The following DIAPH2 variants were observed in gnomAD, a reference collection of about 807,000 sequenced individuals.
DIAPH2 encodes the protein diaphanous related formin 2, also known as protein diaphanous homolog 2.
In DIAPH2, 35 loss-of-function variants were observed where a neutral mutation model predicts 92.7. The ratio of observed to expected loss-of-function variants is 0.38; its 90% CI spans 0.29 to 0.50. The LOEUF (loss-of-function observed/expected upper bound fraction) is 0.50. DIAPH2 is among the 20% of genes least tolerant of loss of function. The pLI, the probability that DIAPH2 is intolerant of heterozygous loss-of-function variation, is 0.94. For synonymous variants in DIAPH2, 301 were observed against 280.4 expected, an observed-to-expected ratio of 1.07 and a Z score of -0.73; for missense variants, 701 against 819.5, an observed-to-expected ratio of 0.86 and a Z score of 1.77.
intron 26 of DIAPH2, among the ~76,000 whole-genome samples, chrX:97,511,538 A>G (rs1483868312): frequency 9.1e-6 from 1 of 109,410 alleles, no homozygotes; most frequent in African/African-American, 3.3e-5. Flanking sequence ...AGAACTTCCA[A>G]GACTATGTTG....
chrX:96,736,342 A>G (rs1344078721), intron 2 of DIAPH2, among the ~76,000 whole-genome samples: 1 of 111,265 alleles, frequency 9.0e-6, no homozygotes, highest in Non-Finnish European at 1.9e-5. Flanking sequence ...CCTATTTACA[A>G]ATAATTTAAA....
At chrX:97,398,793 G>C (rs972035974) in intron 25 of DIAPH2, among the ~76,000 whole-genome samples, 1 of 103,208 alleles carries the variant, frequency 9.7e-6, no homozygotes, top group Non-Finnish European at 2.0e-5. Flanking sequence ...CCAGGCTGGA[G>C]TGCAATGGTG....
intron 24 of DIAPH2, among the ~76,000 whole-genome samples, chrX:97,372,973 G>T (rs1402467822): frequency 9.3e-6 from 1 of 107,861 alleles, no homozygotes; most frequent in Admixed American, 9.9e-5. Flanking sequence ...GCGAAACTCC[G>T]TCTCAAAAAA....
chrX:97,137,004 T>G (rs2067174779), intron 21 of DIAPH2, among the ~76,000 whole-genome samples: 1 of 108,582 alleles, frequency 9.2e-6, no homozygotes, highest in African/African-American at 3.4e-5. Context: ...AAAAGTACCA[T>G]GCATCATTTA....
At chrX:96,986,445 C>A (rs186934078) in intron 17 of DIAPH2, among the ~76,000 whole-genome samples, 13 of 111,503 alleles carry the variant, frequency 1.2e-4, no homozygotes, top group Admixed American at 6.7e-4. Flanking sequence ...TTTAGCCTGA[C>A]CACTGCCATT....
chrX:96,839,584 T>A lies in DIAPH2; in HGVS notation c.448-41995T>A, dbSNP rs186326869. ...AAAACAATTAAATCCCTGAAACAAT[T>A]AAATACCTAATTTTTGTTAAATTAT... On this transcript the variant is annotated intron_variant, in intron 4 of 26. Coordinates refer to ENST00000324765, the MANE Select transcript of DIAPH2 (RefSeq NM_006729.5). Among the ~76,000 whole-genome samples, 176 of 111,950 alleles carry A rather than the reference T, an allele frequency of 1.6e-3. 2 individuals carry two copies. The highest frequency in any genetic ancestry group is 0.012 in the East Asian group (42 of 3,591).
chrX:97,176,545 T>G (rs1410711995), intron 22 of DIAPH2, among the ~76,000 whole-genome samples: 2 of 108,027 alleles, frequency 1.9e-5, no homozygotes, highest in Non-Finnish European at 3.8e-5. Flanking sequence ...TTTTGTTTTT[T>G]GAGACGGAGT....
At chrX:97,061,631 A>G (rs376795520) in intron 17 of DIAPH2, among the ~76,000 whole-genome samples, 235 of 107,329 alleles carry the variant, frequency 2.2e-3, no homozygotes, top group African/African-American at 7.6e-3. Context: ...ACATGGTGAA[A>G]CCCCATCTCT....
At chrX:96,712,553 T>C (rs2063925075) in intron 1 of DIAPH2, among the ~76,000 whole-genome samples, 1 of 111,193 alleles carries the variant, frequency 9.0e-6, no homozygotes, top group African/African-American at 3.3e-5. Context: ...GCTTATAATG[T>C]TATGTATTAC....
At chrX:97,373,412 T>G (rs1440541382) in intron 24 of DIAPH2, among the ~76,000 whole-genome samples, 1 of 109,379 alleles carries the variant, frequency 9.1e-6, no homozygotes, top group Non-Finnish European at 1.9e-5. Flanking sequence ...ATTATGTAAA[T>G]CAACTAGCTC....
chrX:97,337,834 G>T (rs1391772565), intron 23 of DIAPH2, among the ~76,000 whole-genome samples: 2 of 109,679 alleles, frequency 1.8e-5, no homozygotes, highest in East Asian at 5.7e-4. Context: ...GCTCTGATGG[G>T]TGGCAGTAAT....
chrX:97,253,732 A>G (rs1458413625), intron 23 of DIAPH2, among the ~76,000 whole-genome samples: 1 of 111,694 alleles, frequency 9.0e-6, no homozygotes, highest in Non-Finnish European at 1.9e-5. Flanking sequence ...CCTGGGCAAC[A>G]GAGTGAGACT....
At chrX:97,321,866 G>A (rs1490101984) in intron 23 of DIAPH2, among the ~76,000 whole-genome samples, 1 of 111,680 alleles carries the variant, frequency 9.0e-6, no homozygotes, top group Non-Finnish European at 1.9e-5. Context: ...TGTCTTAAAT[G>A]GCTATTTGCC....
intron 1 of DIAPH2, among the ~76,000 whole-genome samples, chrX:96,731,595 CTGAT>C (rs1490105934): frequency 9.0e-6 from 1 of 111,145 alleles, no homozygotes; most frequent in African/African-American, 3.3e-5. Context: ...TAATTTCTGC[CTGAT>C]TGAGAAAATT....
chrX:96,714,112 C>T (rs1041019015), intron 1 of DIAPH2, among the ~76,000 whole-genome samples: 1 of 110,980 alleles, frequency 9.0e-6, no homozygotes, highest in Non-Finnish European at 1.9e-5. Context: ...CTACAGCCTC[C>T]ACTTTTTTTT....
At chrX:96,917,937 A>G (rs1262209810) in intron 8 of DIAPH2, among the ~76,000 whole-genome samples, 1 of 111,816 alleles carries the variant, frequency 8.9e-6, no homozygotes, top group Non-Finnish European at 1.9e-5. Context: ...TAATGTTAAC[A>G]CATGAAATAT....
At chrX:96,860,319 A>T (rs189701732) in intron 4 of DIAPH2, among the ~76,000 whole-genome samples, 3 of 112,230 alleles carry the variant, frequency 2.7e-5, no homozygotes, top group African/African-American at 9.7e-5. Flanking sequence ...CTAGGTTTGG[A>T]TAGATAAATG....
chrX:97,015,171 A>G lies in DIAPH2; in HGVS notation c.2050+49964A>G, dbSNP rs181260602. 1.4e-4 allele frequency among the ~76,000 whole-genome samples: 16 copies of G among 111,920 alleles called. No individual in the cohort carries two copies. In the East Asian group the frequency reaches 4.2e-3, roughly 29 times the overall value. ...TTTAAATCTAAAAATTATATAAATA[A>G]CATGAAAGATACATGGGGAAAAAAT... On this transcript the variant is annotated intron_variant, in intron 17 of 26. Coordinates refer to ENST00000324765, the MANE Select transcript of DIAPH2 (RefSeq NM_006729.5).
rs755410161 is a variant in DIAPH2, at chrX:97,455,606, C to G, written c.3241+25861C>G. Among the ~76,000 whole-genome samples, 11 of 112,179 alleles carry G rather than the reference C, an allele frequency of 9.8e-5. No individual in the cohort carries two copies. The East Asian group carries it at 3.1e-3, about 31-fold the overall frequency. ...AAAGAATAATGTATTTAGAATATCTCCCTGTTGGTAGTATTACAATTGAAG... is the reference window on the plus strand; with the variant it reads ...AAAGAATAATGTATTTAGAATATCTGCCTGTTGGTAGTATTACAATTGAAG... On this transcript the variant is annotated intron_variant, in intron 26 of 26. Coordinates refer to ENST00000324765, the MANE Select transcript of DIAPH2 (RefSeq NM_006729.5).
Sources: gnomAD v4.1 joint callset for allele counts (sites outside exome capture counted in the v4.1 genomes callset) on GRCh38, gnomAD v4.1.1 for gene constraint, MANE v1.5 for transcripts, NCBI Gene and HGNC (gene_info 2026-07-23, HGNC 2026-07-21) for gene names.